Variants in PTCHD4 observed in about 807,000 individuals in gnomAD.
PTCHD4 encodes the protein patched domain containing 4.
In PTCHD4, 33 loss-of-function variants were observed where a neutral mutation model predicts 58.1. The observed-to-expected ratio is 0.57, with a 90% confidence interval of 0.43 to 0.76. The LOEUF is 0.76. Ranked by LOEUF, PTCHD4 falls within the 30% of genes least tolerant of loss-of-function variation. PTCHD4 has a pLI of 0.00. For synonymous variants in PTCHD4, 478 were observed against 409.6 expected (o/e 1.17, Z -2.02); for missense variants, 1,058 against 1,027.1 (o/e 1.03, Z -0.41).
intron 4 of PTCHD4, among the ~76,000 whole-genome samples, chr6:47,920,479 C>G (rs773439186): frequency 2.2e-4 from 33 of 152,038 alleles, no homozygotes; most frequent in Non-Finnish European, 4.4e-4. Context: ...TAATTTCCAT[C>G]AAATGAAAAT....
chr6:47,965,127 T>C (rs969543833), intron 4 of PTCHD4, among the ~76,000 whole-genome samples: 7 of 152,350 alleles, frequency 4.6e-5, no homozygotes, highest in African/African-American at 1.7e-4. Flanking sequence ...GCATTTTTAA[T>C]TGGGTACTAA....
At chr6:47,907,616 C>T (rs1295216942) in intron 4 of PTCHD4, among the ~76,000 whole-genome samples, 1 of 152,212 alleles carries the variant, frequency 6.6e-6, no homozygotes, top group Non-Finnish European at 1.5e-5. Context: ...GCCAAAAAGT[C>T]CTGTTAAAAG....
chr6:47,877,002 A>C lies in PTCHD4; in HGVS notation c.*1301T>G, dbSNP rs1293023938. ...AAGAGCAACACTATTGTGAGAAGCT[A>C]CAAATGGTACTGCAGTAGGTGTAGT... On this transcript the variant is annotated 3_prime_UTR_variant, in exon 5 of 5. Transcript: ENST00000339488. Among the ~76,000 whole-genome samples the C allele has an allele frequency of 6.6e-6, 1 of 152,046 alleles. No individual in the cohort carries two copies. Among genetic ancestry groups the C allele is most frequent in the East Asian group, 1.9e-4 (1 of 5,162 alleles).
In PTCHD4 at chr6:47,938,526, T is replaced by G. The variant is rs369173299; in HGVS notation, c.899-58590A>C. 7.5e-4 allele frequency among the ~76,000 whole-genome samples: 114 copies of G among 152,284 alleles called. 1 individual carries two copies. The South Asian group carries it at 0.022, about 29-fold the overall frequency. On this transcript the variant is annotated intron_variant, in intron 4 of 4. Coordinates refer to ENST00000339488, the MANE Select transcript of PTCHD4 (RefSeq NM_001384253.1). Reference sequence around the variant, plus strand: ...ATGCTTCTGTTTTCTCAGTGAAATATAAAACAAGACCATCAACTAAAGGCG... The same window carrying G: ...ATGCTTCTGTTTTCTCAGTGAAATAGAAAACAAGACCATCAACTAAAGGCG...
At position 48,011,241 on chromosome 6, in the gene PTCHD4, T is replaced by C. The variant is rs1448572255; in HGVS notation, c.418-2127A>G. 2.0e-5 allele frequency among the ~76,000 whole-genome samples: 3 copies of C among 152,304 alleles called. No individual in the cohort carries two copies. The East Asian group carries it at 5.8e-4, about 29-fold the overall frequency. On this transcript the variant is annotated intron_variant, in intron 3 of 4. Coordinates refer to ENST00000339488, the MANE Select transcript of PTCHD4 (RefSeq NM_001384253.1). ...TTCTCCACATCCTCTCCAGCATCTGTTGTTTCCTGACTTTTTAATGATTAC... is the reference window on the plus strand; with the variant it reads ...TTCTCCACATCCTCTCCAGCATCTGCTGTTTCCTGACTTTTTAATGATTAC...
chr6:48,089,345 AG>A (rs1178430617), intron 1 of PTCHD4, among the ~76,000 whole-genome samples: 2 of 152,236 alleles, frequency 1.3e-5, no homozygotes, highest in Non-Finnish European at 2.9e-5. Context: ...GTAGTGGAAT[AG>A]GTTGAAATCC....
chr6:47,921,945 TAA>T (rs544513150), intron 4 of PTCHD4, among the ~76,000 whole-genome samples: 15 of 116,974 alleles, frequency 1.3e-4, no homozygotes, highest in Non-Finnish European at 1.4e-4. Context: ...ACACCTTGTC[TAA>T]AAAAAAAAAA....
intron 4 of PTCHD4, among the ~76,000 whole-genome samples, chr6:47,946,702 T>C (rs963307815): frequency 6.6e-6 from 1 of 152,194 alleles, no homozygotes; most frequent in Non-Finnish European, 1.5e-5. Context: ...GGATTATTTG[T>C]ACCCTCTTAT....
chr6:47,982,780 C>T (rs1404846497), intron 4 of PTCHD4, among the ~76,000 whole-genome samples: 1 of 152,190 alleles, frequency 6.6e-6, no homozygotes, highest in Non-Finnish European at 1.5e-5. Flanking sequence ...AGCCACCGCA[C>T]CCAGCCGTCT....
intron 4 of PTCHD4, among the ~76,000 whole-genome samples, chr6:47,968,293 C>T (rs1767373936): frequency 6.6e-6 from 1 of 152,126 alleles, no homozygotes; most frequent in African/African-American, 2.4e-5. Flanking sequence ...TGATGTCTTA[C>T]ATGGGTGTGG....
At chr6:47,887,891 G>A (rs1446494117) in intron 4 of PTCHD4, among the ~76,000 whole-genome samples, 2 of 152,190 alleles carry the variant, frequency 1.3e-5, no homozygotes, top group Admixed American at 6.5e-5. Flanking sequence ...GGTAGGGGGT[G>A]TTTAACAGGA....
At chr6:47,916,261 C>A (rs180885240) in intron 4 of PTCHD4, among the ~76,000 whole-genome samples, 139 of 152,172 alleles carry the variant, frequency 9.1e-4, no homozygotes, top group African/African-American at 3.3e-3. Context: ...ACTGAAGGAG[C>A]AGAAATGTTA....
At chr6:47,909,600 T>A (rs1481922589) in intron 4 of PTCHD4, among the ~76,000 whole-genome samples, 3 of 152,038 alleles carry the variant, frequency 2.0e-5, no homozygotes, top group Non-Finnish European at 4.4e-5. Context: ...ACACGCTGGA[T>A]AATTGTTTTT....
chr6:47,903,694 C>T (rs187786142), intron 4 of PTCHD4, among the ~76,000 whole-genome samples: 123 of 152,256 alleles, frequency 8.1e-4, no homozygotes, highest in African/African-American at 2.8e-3. Context: ...ATTAAGAATA[C>T]AGCAATAATC....
rs1030941655 is a variant in PTCHD4 at position 48,111,149 on chromosome 6, T to A, written c.-1070A>T. Among the ~76,000 whole-genome samples, 1 of 152,112 alleles carries A rather than the reference T, an allele frequency of 6.6e-6. No homozygotes were observed. Among genetic ancestry groups the A allele is most frequent in the African/African-American group, 2.4e-5 (1 of 41,442 alleles). On this transcript the variant is annotated 5_prime_UTR_variant, in exon 1 of 5. Coordinates refer to ENST00000339488, the MANE Select transcript of PTCHD4 (RefSeq NM_001384253.1). ...CTTCTCTGCTACTTCTCTGCCATAC[T>A]GTGGTTGGTAGTGGCTGCATCCCTC...
Position 47,872,724 on chromosome 6 carries a change from AT to A in PTCHD4, c.*5578del, listed in dbSNP as rs1453006357. 2.0e-5 allele frequency among the ~76,000 whole-genome samples: 3 copies of A among 151,642 alleles called. No homozygotes were observed. Among genetic ancestry groups the A allele is most frequent in the Non-Finnish European group, 4.4e-5 (3 of 67,740 alleles). On this transcript the variant is annotated 3_prime_UTR_variant, in exon 5 of 5. Transcript: ENST00000339488. ...TTATAAATACTTTATTATATTAAAA[AT>A]ATCTACCTTATAGAGGTTTTCAGTT...
intron 4 of PTCHD4, chr6:47,901,170 A>AAT (rs1561947165): frequency 6.6e-6 from 1 of 150,886 alleles, no homozygotes; most frequent in Non-Finnish European, 1.5e-5. Flanking sequence ...CAAAAAAAAA[A>AAT]AATAATAAAA....
intron 3 of PTCHD4, among the ~76,000 whole-genome samples, chr6:48,067,931 C>A (rs758437533): frequency 6.6e-6 from 1 of 151,996 alleles, no homozygotes; most frequent in Non-Finnish European, 1.5e-5. Context: ...CTTTTCCCCC[C>A]AGAAATGAAA....
At chr6:48,025,773 C>T (rs923196158) in intron 3 of PTCHD4, among the ~76,000 whole-genome samples, 1 of 152,106 alleles carries the variant, frequency 6.6e-6, no homozygotes, top group African/African-American at 2.4e-5. Context: ...CCAATAATAA[C>T]ATACACACCC....
Sources: gnomAD v4.1 joint callset for allele counts (sites outside exome capture counted in the v4.1 genomes callset) on GRCh38, gnomAD v4.1.1 for gene constraint, MANE v1.5 for transcripts, NCBI Gene and HGNC (gene_info 2026-07-23, HGNC 2026-07-21) for gene names.